The following LSAMP variants were observed in gnomAD, a reference collection of about 807,000 sequenced individuals.
LSAMP encodes the protein limbic system associated membrane protein, also known as limbic system-associated membrane protein.
LSAMP carries 7 observed loss-of-function variants against 38.6 expected under a neutral mutation model. That is an observed-to-expected ratio of 0.18 (90% CI 0.10 to 0.34). The LOEUF (loss-of-function observed/expected upper bound fraction) is 0.34. Among genes scored for constraint, LSAMP ranks in the 10% least tolerant of loss-of-function variants. The pLI is 1.00. For synonymous variants in LSAMP, 154 were observed against 166.8 expected (o/e 0.92, Z 0.59); for missense variants, 313 against 420.0 (o/e 0.75, Z 2.23).
chr3:116,202,116 C>CT (rs2045994864), intron 1 of LSAMP, among the ~76,000 whole-genome samples: 1 of 151,300 alleles, frequency 6.6e-6, no homozygotes, highest in Admixed American at 6.6e-5. Flanking sequence ...CTCTCCTTTA[C>CT]TTTTTTCTTT....
intron 3 of LSAMP, among the ~76,000 whole-genome samples, chr3:116,003,377 A>T (rs11918028): frequency 0.41 from 62,871 of 152,066 alleles, 13,297 homozygotes; most frequent in African/African-American, 0.5. Context: ...CAATAAAGGC[A>T]AGATCTAATT....
chr3:116,159,552 A>G (rs1186297927), intron 1 of LSAMP, among the ~76,000 whole-genome samples: 1 of 152,172 alleles, frequency 6.6e-6, no homozygotes, highest in East Asian at 1.9e-4. Context: ...CCACGAGATA[A>G]TATCTCACAC....
At chr3:116,246,012 T>C (rs887620681) in intron 1 of LSAMP, among the ~76,000 whole-genome samples, 6 of 152,150 alleles carry the variant, frequency 3.9e-5, no homozygotes, top group African/African-American at 1.4e-4. Flanking sequence ...AATATTAGAA[T>C]TAGAAGAAAT....
chr3:116,380,496 C>T (rs1404363703), intron 1 of LSAMP, among the ~76,000 whole-genome samples: 1 of 151,774 alleles, frequency 6.6e-6, no homozygotes. Context: ...CCCATTGTTG[C>T]CTGCCCACTT....
At chr3:116,133,241 C>CT (rs980128406) in intron 1 of LSAMP, among the ~76,000 whole-genome samples, 11 of 151,730 alleles carry the variant, frequency 7.2e-5, no homozygotes, top group East Asian at 3.9e-4. Context: ...TCCACATTTA[C>CT]TTTTTTTTCC....
At chr3:116,249,103 C>T (rs552954301) in intron 1 of LSAMP, among the ~76,000 whole-genome samples, 4 of 150,094 alleles carry the variant, frequency 2.7e-5, no homozygotes, top group South Asian at 4.3e-4. Context: ...GGGCCAAGAT[C>T]GCGCCACTGC....
chr3:116,439,574 G>A (rs2049404166), intron 1 of LSAMP, among the ~76,000 whole-genome samples: 1 of 152,154 alleles, frequency 6.6e-6, no homozygotes, highest in Non-Finnish European at 1.5e-5. Context: ...ATTCTCTGAA[G>A]TCTAAATAAC....
intron 1 of LSAMP, among the ~76,000 whole-genome samples, chr3:116,335,551 G>T (rs2047908829): frequency 6.6e-6 from 1 of 151,992 alleles, no homozygotes; most frequent in South Asian, 2.1e-4. Context: ...AGCCCAGAAA[G>T]AAACTTTTGC....
chr3:115,970,324 G>C (rs1938973560), intron 3 of LSAMP, among the ~76,000 whole-genome samples: 1 of 152,230 alleles, frequency 6.6e-6, no homozygotes, highest in Admixed American at 6.5e-5. Context: ...CCCTAGGATA[G>C]ATTGCTTTTC....
At chr3:115,956,929 C>A (rs1444462802) in intron 3 of LSAMP, among the ~76,000 whole-genome samples, 1 of 152,122 alleles carries the variant, frequency 6.6e-6, no homozygotes, top group Non-Finnish European at 1.5e-5. Context: ...TCTTCAGGTG[C>A]CAGAAGGCTT....
chr3:116,194,072 C>T (rs1315110755), intron 1 of LSAMP, among the ~76,000 whole-genome samples: 1 of 152,110 alleles, frequency 6.6e-6, no homozygotes, highest in Non-Finnish European at 1.5e-5. Flanking sequence ...CAATCCGACT[C>T]CTATAGGAGA....
At chr3:116,212,211 C>T (rs1435990226) in intron 1 of LSAMP, among the ~76,000 whole-genome samples, 1 of 152,140 alleles carries the variant, frequency 6.6e-6, no homozygotes, top group Non-Finnish European at 1.5e-5. Flanking sequence ...TGAGAGAATG[C>T]TTATGATCAG....
intron 2 of LSAMP, among the ~76,000 whole-genome samples, chr3:116,072,416 C>T (rs1707629216): frequency 6.6e-6 from 1 of 151,882 alleles, no homozygotes; most frequent in Non-Finnish European, 1.5e-5. Flanking sequence ...AGGTATATAC[C>T]CAGTAATGAG....
intron 1 of LSAMP, among the ~76,000 whole-genome samples, chr3:116,110,426 T>G (rs1174582147): frequency 6.6e-6 from 1 of 152,130 alleles, no homozygotes; most frequent in Non-Finnish European, 1.5e-5. Flanking sequence ...CAGAGAGGCT[T>G]CCCTGCATTG....
At chr3:116,091,740 A>G (rs984315156) in intron 1 of LSAMP, among the ~76,000 whole-genome samples, 1 of 152,184 alleles carries the variant, frequency 6.6e-6, no homozygotes, top group African/African-American at 2.4e-5. Context: ...TTTTAATAGA[A>G]TGTTGTCTTG....
intron 6 of LSAMP, among the ~76,000 whole-genome samples, chr3:115,830,686 C>T (rs1934579352): frequency 6.6e-6 from 1 of 152,136 alleles, no homozygotes; most frequent in Non-Finnish European, 1.5e-5. Context: ...TGAAAATAAG[C>T]TTTTTCTTTT....
chr3:116,327,535 G>A (rs1317367617), intron 1 of LSAMP, among the ~76,000 whole-genome samples: 1 of 151,956 alleles, frequency 6.6e-6, no homozygotes, highest in Non-Finnish European at 1.5e-5. Flanking sequence ...AGATCCTGAA[G>A]CTATCAAGAA....
chr3:116,106,873 A>G (rs1708479909), intron 1 of LSAMP, among the ~76,000 whole-genome samples: 1 of 152,084 alleles, frequency 6.6e-6, no homozygotes, highest in South Asian at 2.1e-4. Flanking sequence ...CTTGATGTGT[A>G]GGGAAGGGAG....
intron 3 of LSAMP, among the ~76,000 whole-genome samples, chr3:115,978,404 G>C (rs1226842300): frequency 6.6e-6 from 1 of 151,902 alleles, no homozygotes; most frequent in African/African-American, 2.4e-5. Context: ...TAAGTTACCT[G>C]TTCTTCACCA....
Sources: allele counts gnomAD v4.1 joint callset (sites outside exome capture counted in the v4.1 genomes callset), GRCh38; gene constraint gnomAD v4.1.1; transcripts MANE v1.5; gene names NCBI Gene and HGNC (gene_info 2026-07-23, HGNC 2026-07-21).